Variants in FAAH2 observed in about 807,000 individuals in gnomAD.
FAAH2 encodes the protein fatty acid amide hydrolase 2, also known as fatty-acid amide hydrolase 2.
FAAH2 carries 60 observed loss-of-function variants against 36.9 expected under a neutral mutation model. The observed-to-expected ratio is 1.63, with a 90% CI of 1.32 to 2.02. The LOEUF is 2.02. Ranked by LOEUF, FAAH2 falls within the 30% of genes most tolerant of loss-of-function variation. The probability of loss-of-function intolerance (pLI) is 0.00; values close to 1 mark genes in which losing one functional copy is unlikely to be tolerated. For missense variants in FAAH2, 689 were observed against 397.5 expected, an observed-to-expected ratio of 1.73 and a Z score of -6.23; for synonymous variants, 214 against 143.8, an observed-to-expected ratio of 1.49 and a Z score of -3.49.
chrX:57,382,623 C>T, intron 7 of FAAH2, among the ~76,000 whole-genome samples: 1 of 111,205 alleles, frequency 9.0e-6, no homozygotes, highest in East Asian at 2.8e-4. Flanking sequence ...AAGACTAAAC[C>T]AGGAAGAAGT....
Position 57,489,010 on chromosome X carries a change from G to A in FAAH2, c.*78G>A, listed in dbSNP as rs1210873044. On this transcript the variant is annotated 3_prime_UTR_variant, in exon 11 of 11. Coordinates refer to ENST00000374900, the MANE Select transcript of FAAH2 (RefSeq NM_174912.4). ...GTTTCTATTAATTGGGTGAAATCAA[G>A]CACCAGCAGACAAGCAGAGAAACAA... 1.7e-5 allele frequency: 17 copies of A among 973,175 alleles called. No individual in the cohort carries two copies. The highest frequency in any genetic ancestry group is 9.8e-5 in the African/African-American group (5 of 50,842). 80.2% of individuals were successfully genotyped at this position (973,175 alleles called of 1,213,427 possible).
the FAAH2 span, among the ~76,000 whole-genome samples, chrX:57,204,463 G>C: frequency 1.8e-5 from 2 of 111,760 alleles, no homozygotes; most frequent in Non-Finnish European, 3.8e-5. Flanking sequence ...ATTGTGACTG[G>C]CTGTCCCACT....
chrX:57,227,743 G>T, the FAAH2 span, among the ~76,000 whole-genome samples: 1 of 111,758 alleles, frequency 8.9e-6, no homozygotes, highest in Admixed American at 9.4e-5. Context: ...CCTGCCACCA[G>T]GGTGGGTAGG....
upstream of FAAH2, among the ~76,000 whole-genome samples, chrX:57,284,494 G>T (rs1041896990): frequency 4.5e-5 from 5 of 112,041 alleles, no homozygotes; most frequent in South Asian, 3.7e-4. Context: ...AAATCTTAAT[G>T]GTCTTATGAT....
chrX:57,364,825 G>A (rs780407521), intron 5 of FAAH2, among the ~76,000 whole-genome samples: 1 of 111,219 alleles, frequency 9.0e-6, no homozygotes, highest in South Asian at 3.8e-4. Flanking sequence ...AAGTCATTCA[G>A]GAGCATGTTG....
intron 7 of FAAH2, chrX:57,393,862 T>A: frequency 1.0e-6 from 1 of 997,540 alleles, no homozygotes; most frequent in Non-Finnish European, 1.4e-6. Flanking sequence ...TTTGCCAAGC[T>A]ATGGTTTCTG....
intron 1 of FAAH2, among the ~76,000 whole-genome samples, chrX:57,290,054 A>G (rs1321476308): frequency 8.9e-6 from 1 of 111,774 alleles, no homozygotes; most frequent in African/African-American, 3.3e-5. Context: ...AGTGAGCCTC[A>G]ATGACTTCAT....
the FAAH2 span, among the ~76,000 whole-genome samples, chrX:57,221,680 A>G: frequency 9.0e-6 from 1 of 110,974 alleles, no homozygotes; most frequent in Non-Finnish European, 1.9e-5. Context: ...TTTACTTTCC[A>G]CAATTCCCTC....
chrX:57,364,978 T>C (rs982120340), intron 5 of FAAH2, among the ~76,000 whole-genome samples: 2 of 111,866 alleles, frequency 1.8e-5, no homozygotes, highest in African/African-American at 6.5e-5. Context: ...GAGCATATGG[T>C]TGAGCTTAGA....
chrX:57,142,441 T>C, the FAAH2 span, among the ~76,000 whole-genome samples: 2 of 112,619 alleles, frequency 1.8e-5, no homozygotes, highest in Non-Finnish European at 3.8e-5. Context: ...ATTTCTATTG[T>C]TTTATTCCAT....
At chrX:57,470,635 C>T (rs955801973) in intron 10 of FAAH2, among the ~76,000 whole-genome samples, 5 of 111,129 alleles carry the variant, frequency 4.5e-5, no homozygotes, top group African/African-American at 1.6e-4. Flanking sequence ...AGTCCAGGAG[C>T]AGATGGACTC....
the FAAH2 span, among the ~76,000 whole-genome samples, chrX:57,154,973 C>T: frequency 1.8e-5 from 2 of 111,052 alleles, no homozygotes; most frequent in South Asian, 7.7e-4. Context: ...GCAGAGCTAC[C>T]AGGCTCCAGG....
At chrX:57,275,100 A>G in the FAAH2 span, among the ~76,000 whole-genome samples, 5 of 112,010 alleles carry the variant, frequency 4.5e-5, no homozygotes, top group South Asian at 1.9e-3. Context: ...AGGCATTCTT[A>G]TACACCAATA....
intron 10 of FAAH2, among the ~76,000 whole-genome samples, chrX:57,452,780 A>G (rs1169871539): frequency 1.8e-5 from 2 of 112,414 alleles, no homozygotes; most frequent in Non-Finnish European, 3.7e-5. Flanking sequence ...TTCAAGTGTG[A>G]AAAATGATCA....
the FAAH2 span, among the ~76,000 whole-genome samples, chrX:57,151,717 T>C: frequency 9.0e-6 from 1 of 111,361 alleles, no homozygotes; most frequent in African/African-American, 3.3e-5. Context: ...TTTCCTCCTG[T>C]AGCTCGGAGT....
chrX:57,334,268 T>TCTCACACACACACACA lies in FAAH2; in HGVS notation c.622+2462_622+2463insTCACACACACACACAC, dbSNP rs753282666. On this transcript the variant is annotated intron_variant, in intron 4 of 10. Coordinates refer to ENST00000374900, the MANE Select transcript of FAAH2 (RefSeq NM_174912.4). ...CTAGGTGACAGAGGGAGATTCCGTC[T>TCTCACACACACACACA]CACACACACACACACACACACACAC... is the stretch of plus-strand genomic sequence containing the variant. Among the ~76,000 whole-genome samples, 24 of 85,725 alleles carry TCTCACACACACACACA rather than the reference T, an allele frequency of 2.8e-4. No homozygotes were observed. In the South Asian group the frequency reaches 0.016, roughly 56 times the overall value. 74.4% of individuals were successfully genotyped at this position (85,725 alleles called of 115,157 possible). A position where few individuals can be genotyped will look rare whatever the true frequency, so the allele number is the denominator to read the frequency against.
intron 10 of FAAH2, among the ~76,000 whole-genome samples, chrX:57,457,497 G>A (rs1569358560): frequency 9.2e-6 from 1 of 108,304 alleles, no homozygotes; most frequent in Non-Finnish European, 1.9e-5. Flanking sequence ...TAAAAAGAGA[G>A]AAAATCAAAC....
chrX:57,138,765 T>C, the FAAH2 span, among the ~76,000 whole-genome samples: 3 of 111,730 alleles, frequency 2.7e-5, no homozygotes, highest in African/African-American at 9.8e-5. Context: ...TTAACTGGGG[T>C]AAGATGATAT....
intron 10 of FAAH2, among the ~76,000 whole-genome samples, chrX:57,479,458 T>C (rs754754129): frequency 8.9e-6 from 1 of 111,732 alleles, no homozygotes; most frequent in African/African-American, 3.2e-5. Context: ...GACTTCCTCG[T>C]TTCCTAATTG....
Sources: gnomAD v4.1 joint callset for allele counts (sites outside exome capture counted in the v4.1 genomes callset) on GRCh38, gnomAD v4.1.1 for gene constraint, MANE v1.5 for transcripts, NCBI Gene and HGNC (gene_info 2026-07-23, HGNC 2026-07-21) for gene names.